CAP2: variants seen among roughly 807,000 people sequenced by gnomAD.
CAP2 encodes adenylyl cyclase-associated protein 2.
In CAP2, 24 loss-of-function variants were observed where a neutral mutation model predicts 57.7. The ratio of observed to expected loss-of-function variants is 0.42; its 90% confidence interval spans 0.30 to 0.58. The LOEUF (loss-of-function observed/expected upper bound fraction) is 0.58. Among genes scored for constraint, CAP2 ranks in the 20% least tolerant of loss-of-function variants. The pLI is 0.22. For missense variants in CAP2, 501 were observed against 590.3 expected (o/e 0.85, Z 1.57); for synonymous variants, 194 against 207.2 (o/e 0.94, Z 0.55).
At chr6:17,536,123 TTC>T in intron 7 of CAP2, 6 of 449,256 alleles carry the variant, frequency 1.3e-5, no homozygotes, top group South Asian at 7.9e-5. Context: ...GCGCCCAGCC[TTC>T]TCTCTGTTTT....
intron 12 of CAP2, among the ~76,000 whole-genome samples, chr6:17,554,471 TG>T (rs755855481): frequency 9.2e-5 from 14 of 152,236 alleles, no homozygotes; most frequent in Non-Finnish European, 1.8e-4. Flanking sequence ...TTGCCCAGGC[TG>T]GTCCCGAACT....
intron 11 of CAP2, among the ~76,000 whole-genome samples, chr6:17,547,840 C>CAAA (rs35831731): frequency 5.3e-5 from 6 of 112,806 alleles, no homozygotes; most frequent in East Asian, 2.7e-4. Flanking sequence ...GACTCTGTCT[C>CAAA]AAAAAAAAAA....
Position 17,507,165 on chromosome 6 carries a change from A to G in CAP2, c.301-4A>G, listed in dbSNP as rs762238935. ...AAAAGCCCCCGATGTTTGACTGCTTACAGAATGACGTGGCCGCACTTCTGA... is the reference window on the plus strand; with the variant it reads ...AAAAGCCCCCGATGTTTGACTGCTTGCAGAATGACGTGGCCGCACTTCTGA... On this transcript the variant is annotated splice_polypyrimidine_tract_variant and splice_region_variant and intron_variant, in intron 4 of 12. Coordinates refer to ENST00000229922, the MANE Select transcript of CAP2 (RefSeq NM_006366.3). The G allele has an allele frequency of 6.2e-7, 1 of 1,614,178 alleles. No individual in the cohort carries two copies. Among genetic ancestry groups the G allele is most frequent in the Non-Finnish European group, 8.5e-7 (1 of 1,180,006 alleles).
chr6:17,452,798 GTC>G (rs1417756708), intron 3 of CAP2, among the ~76,000 whole-genome samples: 1 of 151,988 alleles, frequency 6.6e-6, no homozygotes, highest in Non-Finnish European at 1.5e-5. Flanking sequence ...CCAGATAACT[GTC>G]TCTGAGCCCC....
chr6:17,550,475 A>G (rs1763144939), intron 11 of CAP2, among the ~76,000 whole-genome samples: 1 of 132,996 alleles, frequency 7.5e-6, no homozygotes, highest in Non-Finnish European at 1.5e-5. Context: ...AGAGAGGAGG[A>G]AACAGAGAAC....
At chr6:17,495,229 G>A (rs143321592) in intron 4 of CAP2, among the ~76,000 whole-genome samples, 359 of 152,292 alleles carry the variant, frequency 2.4e-3, no homozygotes, top group African/African-American at 8.1e-3. Flanking sequence ...TCAGAGTGCT[G>A]TCTGTATTGT....
chr6:17,457,654 T>G (rs1325169668), intron 3 of CAP2, among the ~76,000 whole-genome samples: 1 of 152,190 alleles, frequency 6.6e-6, no homozygotes, highest in Non-Finnish European at 1.5e-5. Flanking sequence ...AGCAGATATC[T>G]CAATATTGGG....
intron 7 of CAP2, among the ~76,000 whole-genome samples, chr6:17,527,123 C>A (rs1762531183): frequency 6.6e-6 from 1 of 152,104 alleles, no homozygotes; most frequent in South Asian, 2.1e-4. Context: ...TTTGCCTTAA[C>A]CCCCACCTCT....
chr6:17,533,078 CAAAA>C (rs58337644), intron 7 of CAP2, among the ~76,000 whole-genome samples: 9 of 87,532 alleles, frequency 1.0e-4, no homozygotes, highest in Admixed American at 5.5e-4. Flanking sequence ...CACCCCCCAC[CAAAA>C]AAAAAAAAAA....
At chr6:17,432,638 C>T (rs1383964488) in intron 3 of CAP2, among the ~76,000 whole-genome samples, 1 of 152,134 alleles carries the variant, frequency 6.6e-6, no homozygotes, top group Non-Finnish European at 1.5e-5. Context: ...TTCTTACTGG[C>T]TTAGCCATTA....
chr6:17,475,228 A>G (rs1482270143), intron 4 of CAP2, among the ~76,000 whole-genome samples: 1 of 151,876 alleles, frequency 6.6e-6, no homozygotes, highest in Non-Finnish European at 1.5e-5. Context: ...AGCTAGGTTC[A>G]TGGATTACAG....
intron 4 of CAP2, among the ~76,000 whole-genome samples, chr6:17,504,166 T>C (rs1482276791): frequency 6.6e-6 from 1 of 152,156 alleles, no homozygotes; most frequent in East Asian, 1.9e-4. Flanking sequence ...AGAGGCTTTG[T>C]AACTGGCAGA....
chr6:17,398,464 A>G (rs1270925044), intron 1 of CAP2, among the ~76,000 whole-genome samples: 3 of 152,142 alleles, frequency 2.0e-5, no homozygotes, highest in African/African-American at 4.8e-5. Context: ...AGAACAAACC[A>G]TTATGAGGAA....
chr6:17,396,995 G>A (rs1758681142), intron 1 of CAP2, among the ~76,000 whole-genome samples: 1 of 152,144 alleles, frequency 6.6e-6, no homozygotes. Context: ...TTTATCACAT[G>A]TGTATGTATT....
rs1054402240 is a variant in CAP2 at position 17,557,434 on chromosome 6, G to A, written c.*992G>A. ...CTTGCTGCTCCTATTTTGTAGTCTT[G>A]ATAGTAGATGCTTCTTCAGCGTAAG... On this transcript the variant is annotated 3_prime_UTR_variant, in exon 13 of 13. Coordinates refer to ENST00000229922, the MANE Select transcript of CAP2 (RefSeq NM_006366.3). 1.3e-5 allele frequency: 2 copies of A among 152,128 alleles called. No homozygotes were observed. The highest frequency in any genetic ancestry group is 4.8e-5 in the African/African-American group (2 of 41,434). The allele number at this position is 152,128 out of a possible 1,614,324, so 9.4% of individuals were successfully genotyped here.
intron 12 of CAP2, among the ~76,000 whole-genome samples, chr6:17,553,332 T>C (rs1763215196): frequency 6.6e-6 from 1 of 151,184 alleles, no homozygotes; most frequent in Admixed American, 6.6e-5. Flanking sequence ...TGAGCGTTCA[T>C]GCTAAAAACC....
intron 1 of CAP2, among the ~76,000 whole-genome samples, chr6:17,410,215 A>G (rs1428875274): frequency 6.6e-6 from 1 of 152,102 alleles, no homozygotes; most frequent in Admixed American, 6.6e-5. Context: ...CCTGTCCCAC[A>G]TGCTCCCACC....
intron 4 of CAP2, among the ~76,000 whole-genome samples, chr6:17,474,152 T>C (rs1315076438): frequency 2.0e-5 from 3 of 151,356 alleles, no homozygotes; most frequent in African/African-American, 7.3e-5. Flanking sequence ...AAAGACATTT[T>C]TCAAACTAAT....
At chr6:17,494,116 G>A (rs777324228) in intron 4 of CAP2, among the ~76,000 whole-genome samples, 2 of 152,060 alleles carry the variant, frequency 1.3e-5, no homozygotes, top group Admixed American at 6.5e-5. Context: ...CAGTAGTCTC[G>A]AATACGATGT....
Sources: allele counts gnomAD v4.1 joint callset (sites outside exome capture counted in the v4.1 genomes callset), GRCh38; gene constraint gnomAD v4.1.1; transcripts MANE v1.5; gene names NCBI Gene and HGNC (gene_info 2026-07-23, HGNC 2026-07-21).